Variants in PTPRM observed in about 807,000 individuals in gnomAD.
PTPRM encodes the protein receptor-type tyrosine-protein phosphatase mu.
In PTPRM, 47 loss-of-function variants were observed where a neutral mutation model predicts 186.7. The observed-to-expected ratio is 0.25, with a 90% CI of 0.20 to 0.32. The LOEUF (loss-of-function observed/expected upper bound fraction) is 0.32. Among genes scored for constraint, PTPRM ranks in the 10% least tolerant of loss-of-function variants. The probability of loss-of-function intolerance (pLI) is 1.00; values close to 1 mark genes in which losing one functional copy is unlikely to be tolerated. For missense variants in PTPRM, 1,494 were observed against 1,865.0 expected, an observed-to-expected ratio of 0.80 and a Z score of 3.66; for synonymous variants, 668 against 674.9, an observed-to-expected ratio of 0.99 and a Z score of 0.16.
intron 1 of PTPRM, among the ~76,000 whole-genome samples, chr18:7,638,484 T>C (rs755420592): frequency 2.0e-5 from 3 of 152,224 alleles, no homozygotes; most frequent in Non-Finnish European, 4.4e-5. Context: ...CTGTGACTTA[T>C]AATTTCTTAG....
intron 1 of PTPRM, among the ~76,000 whole-genome samples, chr18:7,771,514 A>G (rs2042268524): frequency 6.6e-6 from 1 of 152,248 alleles, no homozygotes; most frequent in African/African-American, 2.4e-5. Flanking sequence ...AGAGGGCAAT[A>G]TAAATGACCC....
intron 7 of PTPRM, among the ~76,000 whole-genome samples, chr18:7,987,928 C>T (rs558800894): frequency 6.7e-6 from 1 of 150,370 alleles, no homozygotes; most frequent in Admixed American, 6.7e-5. Flanking sequence ...CCTGTAATCC[C>T]AGCACTTTGA....
intron 2 of PTPRM, among the ~76,000 whole-genome samples, chr18:7,808,019 G>A (rs796160593): frequency 1.4e-4 from 22 of 152,114 alleles, no homozygotes; most frequent in African/African-American, 4.8e-4. Flanking sequence ...CAAGGAAGAC[G>A]AGTGTTCCTG....
chr18:7,865,814 G>A (rs1316336276), intron 2 of PTPRM, among the ~76,000 whole-genome samples: 3 of 152,086 alleles, frequency 2.0e-5, no homozygotes, highest in Non-Finnish European at 2.9e-5. Context: ...GTCTGGTCCT[G>A]GAGTTTTTTT....
chr18:8,179,890 C>T (rs552637322), intron 14 of PTPRM, among the ~76,000 whole-genome samples: 22 of 152,156 alleles, frequency 1.4e-4, no homozygotes, highest in Non-Finnish European at 2.9e-4. Flanking sequence ...TACCTCTTTA[C>T]CTTTATAACC....
chr18:7,718,972 A>G (rs1034416152), intron 1 of PTPRM, among the ~76,000 whole-genome samples: 1 of 152,230 alleles, frequency 6.6e-6, no homozygotes, highest in Non-Finnish European at 1.5e-5. Flanking sequence ...TACAACCACT[A>G]TGGAAAATAG....
chr18:7,828,401 C>T (rs1266972980), intron 2 of PTPRM, among the ~76,000 whole-genome samples: 1 of 151,934 alleles, frequency 6.6e-6, no homozygotes, highest in Admixed American at 6.6e-5. Flanking sequence ...GCTATCCCTC[C>T]CCGCTTCCCC....
At chr18:7,907,430 G>A (rs1283932207) in intron 4 of PTPRM, among the ~76,000 whole-genome samples, 5 of 152,306 alleles carry the variant, frequency 3.3e-5, no homozygotes, top group Admixed American at 2.0e-4. Flanking sequence ...GTGAGGCTAC[G>A]CAAGCAGCCA....
At chr18:8,231,637 A>G (rs2094287732) in intron 14 of PTPRM, among the ~76,000 whole-genome samples, 1 of 152,210 alleles carries the variant, frequency 6.6e-6, no homozygotes, top group Non-Finnish European at 1.5e-5. Flanking sequence ...CTCAGGAAAT[A>G]GTAGAGTATA....
intron 7 of PTPRM, among the ~76,000 whole-genome samples, chr18:8,029,066 C>T (rs116012984): frequency 0.013 from 2,031 of 152,354 alleles, 44 homozygotes; most frequent in African/African-American, 0.046. Flanking sequence ...GTATATCCTA[C>T]ATGGAGGCTG....
chr18:8,220,762 C>T (rs2094144331), intron 14 of PTPRM, among the ~76,000 whole-genome samples: 1 of 152,170 alleles, frequency 6.6e-6, no homozygotes, highest in South Asian at 2.1e-4. Context: ...TTTGGTCATC[C>T]ATTGAATTAC....
chr18:8,077,231 C>G (rs958197601), intron 9 of PTPRM, among the ~76,000 whole-genome samples: 2 of 152,054 alleles, frequency 1.3e-5, no homozygotes, highest in Admixed American at 6.5e-5. Flanking sequence ...TTTTTTTAAG[C>G]TAGCATTTAT....
At chr18:7,662,468 A>T (rs2039002163) in intron 1 of PTPRM, among the ~76,000 whole-genome samples, 1 of 152,222 alleles carries the variant, frequency 6.6e-6, no homozygotes, top group South Asian at 2.1e-4. Flanking sequence ...GAACAAAAAG[A>T]CAAACTTAAC....
Position 7,955,201 on chromosome 18 carries a change from A to T in PTPRM, c.919A>T (p.Ile307Phe). 1 of 1,614,168 alleles carries T rather than the reference A, an allele frequency of 6.2e-7. No homozygotes were observed. Among genetic ancestry groups the T allele is most frequent in the Non-Finnish European group, 8.5e-7 (1 of 1,180,034 alleles). ...YLWIQLNANS[I>F]NGDGPIVARE... is the part of the protein sequence containing the mutation. ...GTGGATACAGCTCAACGCCAACTCC[A>T]TCAATGGGGATGGGCCCATTGTGGC... Residue 307 changes from isoleucine to phenylalanine, a missense_variant, in exon 7 of 33, where the codon ATC (isoleucine) becomes TTC (phenylalanine). Coordinates refer to ENST00000580170, the MANE Select transcript of PTPRM (RefSeq NM_001105244.2).
At chr18:8,314,711 T>C in intron 20 of PTPRM, 70 bp from the exon 21 acceptor site, 1 of 1,097,254 alleles carries the variant, frequency 9.1e-7, no homozygotes, top group East Asian at 2.4e-5. Flanking sequence ...TATGCTTACA[T>C]TCTGGGGCTC....
At chr18:8,207,498 C>T (rs570003409) in intron 14 of PTPRM, among the ~76,000 whole-genome samples, 1 of 152,130 alleles carries the variant, frequency 6.6e-6, no homozygotes, top group East Asian at 1.9e-4. Flanking sequence ...TCATTAAGTG[C>T]GGTTAGTCAT....
At chr18:7,982,482 C>T (rs762256078) in intron 7 of PTPRM, among the ~76,000 whole-genome samples, 3 of 151,626 alleles carry the variant, frequency 2.0e-5, no homozygotes, top group African/African-American at 7.3e-5. Flanking sequence ...CTGCTGTCTA[C>T]CTCCTGAAGG....
At chr18:8,370,473 C>G (rs1477965449) in intron 23 of PTPRM, among the ~76,000 whole-genome samples, 2 of 152,172 alleles carry the variant, frequency 1.3e-5, no homozygotes, top group Admixed American at 6.5e-5. Context: ...AGTGTTCAAT[C>G]TGATTTTCTG....
At chr18:8,215,745 C>A (rs1003420) in intron 14 of PTPRM, among the ~76,000 whole-genome samples, 40,786 of 151,344 alleles carry the variant, frequency 0.27, 5,573 homozygotes, top group Middle Eastern at 0.51. Context: ...ACCAGGTCTC[C>A]CTATTTTTCC....
Sources: gnomAD v4.1 joint callset for allele counts (sites outside exome capture counted in the v4.1 genomes callset) on GRCh38, gnomAD v4.1.1 for gene constraint, MANE v1.5 for transcripts, NCBI Gene and HGNC (gene_info 2026-07-23, HGNC 2026-07-21) for gene names.